ADCY2: variants seen among roughly 807,000 people sequenced by gnomAD.
ADCY2 encodes the protein adenylate cyclase type 2.
Under a neutral mutation model 125.2 loss-of-function variants are expected in ADCY2, and 31 were observed. The ratio of observed to expected loss-of-function variants is 0.25; its 90% CI spans 0.19 to 0.33. The LOEUF (loss-of-function observed/expected upper bound fraction) is 0.33. Among genes scored for constraint, ADCY2 ranks in the 10% least tolerant of loss-of-function variants. The pLI is 1.00. For synonymous variants in ADCY2, 512 were observed against 548.4 expected (o/e 0.93, Z 0.93); for missense variants, 904 against 1,418.2 (o/e 0.64, Z 5.82).
intron 7 of ADCY2, among the ~76,000 whole-genome samples, chr5:7,704,885 A>T (rs1293293384): frequency 2.6e-5 from 4 of 152,088 alleles, no homozygotes; most frequent in Non-Finnish European, 5.9e-5. Context: ...CTCCAAAAAA[A>T]AAAAAAAAAA....
chr5:7,576,231 G>A (rs909315794), intron 3 of ADCY2, among the ~76,000 whole-genome samples: 7 of 152,202 alleles, frequency 4.6e-5, no homozygotes, highest in Non-Finnish European at 8.8e-5. Flanking sequence ...CTGTCACAGG[G>A]CTGCCACAGA....
chr5:7,447,485 T>C (rs1009943351), intron 2 of ADCY2, among the ~76,000 whole-genome samples: 1 of 152,202 alleles, frequency 6.6e-6, no homozygotes, highest in African/African-American at 2.4e-5. Flanking sequence ...TCCAGCTCTG[T>C]GCTGGTACAG....
chr5:7,729,737 G>T (rs1435662668), intron 14 of ADCY2, among the ~76,000 whole-genome samples: 1 of 148,252 alleles, frequency 6.7e-6, no homozygotes, highest in African/African-American at 2.5e-5. Flanking sequence ...TTTCATTAAA[G>T]ATTACTATTA....
At chr5:7,587,833 G>C (rs1736682633) in intron 3 of ADCY2, among the ~76,000 whole-genome samples, 1 of 152,210 alleles carries the variant, frequency 6.6e-6, no homozygotes, top group Admixed American at 6.5e-5. Context: ...AACGTTGAGA[G>C]AATCGGTTGA....
At chr5:7,824,884 A>G (rs938755632) in intron 24 of ADCY2, among the ~76,000 whole-genome samples, 14 of 152,288 alleles carry the variant, frequency 9.2e-5, no homozygotes, top group African/African-American at 3.1e-4. Flanking sequence ...CTCTGCCCCA[A>G]CAGTGATGTC....
Position 7,802,407 on chromosome 5 carries a change from G to A in ADCY2, c.2775+43G>A, listed in dbSNP as rs1744624728. The A allele has an allele frequency of 6.3e-7, 1 of 1,598,690 alleles. No individual in the cohort carries two copies. Among genetic ancestry groups the A allele is most frequent in the Non-Finnish European group, 8.5e-7 (1 of 1,171,638 alleles). On this transcript the variant is annotated intron_variant, in intron 21 of 24. Coordinates refer to ENST00000338316, the MANE Select transcript of ADCY2 (RefSeq NM_020546.3). The surrounding 1 kb of genome is among the most constrained non-coding windows in gnomAD (Gnocchi z 4.6). ...CCCTCGAAGGGCAGCAGTACACTCA[G>A]TCTCACACCTGTGCACTTGAAGTTA... is the stretch of plus-strand genomic sequence containing the variant.
At chr5:7,568,591 G>A (rs1040507320) in intron 3 of ADCY2, among the ~76,000 whole-genome samples, 4 of 152,048 alleles carry the variant, frequency 2.6e-5, no homozygotes, top group African/African-American at 9.7e-5. Flanking sequence ...CCATAGTGTT[G>A]GCTTCTAATA....
At chr5:7,685,576 A>C (rs1292527653) in intron 4 of ADCY2, among the ~76,000 whole-genome samples, 5 of 152,228 alleles carry the variant, frequency 3.3e-5, no homozygotes, top group African/African-American at 9.6e-5. Flanking sequence ...TAAGAGTAAG[A>C]GTTTTAACTG....
chr5:7,441,960 A>C (rs1741031281), intron 2 of ADCY2, among the ~76,000 whole-genome samples: 1 of 152,154 alleles, frequency 6.6e-6, no homozygotes, highest in African/African-American at 2.4e-5. Flanking sequence ...CAACCGCCAC[A>C]ATTACATAAG....
In ADCY2 at chr5:7,562,906, C is replaced by T. The variant is rs143073052; in HGVS notation, c.570+42007C>T. On this transcript the variant is annotated intron_variant, in intron 3 of 24. Coordinates refer to ENST00000338316, the MANE Select transcript of ADCY2 (RefSeq NM_020546.3). Reference sequence around the variant, plus strand: ...GTAGGGCAATATTAGGTTCTCATTTCAGTTAAGGAAAATGGCAAGACATTC... The same window carrying T: ...GTAGGGCAATATTAGGTTCTCATTTTAGTTAAGGAAAATGGCAAGACATTC... 3.0e-3 allele frequency among the ~76,000 whole-genome samples: 460 copies of T among 152,284 alleles called. 6 individuals carry two copies. The highest frequency in any genetic ancestry group is 0.01 in the African/African-American group (433 of 41,568).
intron 3 of ADCY2, among the ~76,000 whole-genome samples, chr5:7,581,153 T>C (rs1561107226): frequency 6.6e-6 from 1 of 152,208 alleles, no homozygotes; most frequent in Non-Finnish European, 1.5e-5. Context: ...TGTAAAATGT[T>C]TGTAAATATT....
In ADCY2 at chr5:7,452,125, C is replaced by T. The variant is rs185578265; in HGVS notation, c.408+37355C>T. 5.7e-3 allele frequency among the ~76,000 whole-genome samples: 874 copies of T among 152,198 alleles called. 4 individuals are homozygous for T. The highest frequency in any genetic ancestry group is 0.02 in the African/African-American group (819 of 41,514). ...ACAGAGTTTCACCATGTTGGCCAGGCTGGTCTCGAACTCCTGACCTCAGGT... is the reference window on the plus strand; with the variant it reads ...ACAGAGTTTCACCATGTTGGCCAGGTTGGTCTCGAACTCCTGACCTCAGGT... On this transcript the variant is annotated intron_variant, in intron 2 of 24. Coordinates refer to ENST00000338316, the MANE Select transcript of ADCY2 (RefSeq NM_020546.3).
chr5:7,539,981 T>C (rs1342965825), intron 3 of ADCY2, among the ~76,000 whole-genome samples: 1 of 152,248 alleles, frequency 6.6e-6, no homozygotes, highest in Admixed American at 6.5e-5. Flanking sequence ...CAAAAACTTA[T>C]AATATGCAAC....
intron 2 of ADCY2, among the ~76,000 whole-genome samples, chr5:7,472,890 C>G (rs1370330311): frequency 6.6e-6 from 1 of 152,142 alleles, no homozygotes; most frequent in Non-Finnish European, 1.5e-5. Flanking sequence ...CCCTTTCCCC[C>G]AGAGAGGGTC....
At chr5:7,773,583 T>C (rs1170459531) in intron 18 of ADCY2, among the ~76,000 whole-genome samples, 1 of 152,110 alleles carries the variant, frequency 6.6e-6, no homozygotes, top group Non-Finnish European at 1.5e-5. Flanking sequence ...GGCCCTCAGT[T>C]CAAAGCAAAA....
chr5:7,494,346 C>CTA (rs1004003720), intron 2 of ADCY2, among the ~76,000 whole-genome samples: 7 of 152,088 alleles, frequency 4.6e-5, no homozygotes, highest in African/African-American at 1.4e-4. Flanking sequence ...CTGATCAATT[C>CTA]TAAACTTCTT....
At chr5:7,661,742 C>CA (rs1193192894) in intron 4 of ADCY2, among the ~76,000 whole-genome samples, 3 of 152,104 alleles carry the variant, frequency 2.0e-5, no homozygotes, top group East Asian at 3.9e-4. Flanking sequence ...GAAATTCAAC[C>CA]AAAAAAATTG....
chr5:7,616,057 G>C (rs1301246417), intron 3 of ADCY2, among the ~76,000 whole-genome samples: 2 of 152,088 alleles, frequency 1.3e-5, no homozygotes, highest in Admixed American at 6.5e-5. Flanking sequence ...TACTTAAGTT[G>C]CTATGACCTC....
chr5:7,813,922 G>C (rs1169068796), intron 22 of ADCY2, among the ~76,000 whole-genome samples: 1 of 152,046 alleles, frequency 6.6e-6, no homozygotes, highest in Non-Finnish European at 1.5e-5. Flanking sequence ...ACAAGATTTT[G>C]CTTGTTGATT....
Sources: allele counts gnomAD v4.1 joint callset (sites outside exome capture counted in the v4.1 genomes callset), GRCh38; gene constraint gnomAD v4.1.1; non-coding constraint Gnocchi (gnomAD v3.1); transcripts MANE v1.5; gene names NCBI Gene and HGNC (gene_info 2026-07-23, HGNC 2026-07-21).